Variants in MX2 observed in about 807,000 individuals in gnomAD.
MX2 encodes interferon-induced GTP-binding protein Mx2.
A neutral mutation model predicts 74.0 loss-of-function variants in MX2; 51 were observed. That is an observed-to-expected ratio of 0.69 (90% CI 0.55 to 0.87). The LOEUF is 0.87. Ranked by LOEUF, MX2 falls within the 40% of genes least tolerant of loss-of-function variation. The pLI, the probability that MX2 is intolerant of heterozygous loss-of-function variation, is 0.00. For missense variants in MX2, 832 were observed against 908.7 expected (o/e 0.92, Z 1.09); for synonymous variants, 369 against 339.3 (o/e 1.09, Z -0.96).
In MX2 at chr21:41,395,594, G is replaced by T; in HGVS notation, c.879G>T (p.Leu293=). 1.9e-6 allele frequency: 3 copies of T among 1,614,024 alleles called. No homozygotes were observed. Among genetic ancestry groups the T allele is most frequent in the Non-Finnish European group, 2.5e-6 (3 of 1,179,998 alleles). Residue 293 remains leucine, a synonymous_variant, in exon 7 of 14, where the codon CTG becomes CTT. Coordinates refer to ENST00000330714, the MANE Select transcript of MX2 (RefSeq NM_002463.2). ...TCTTTAACCATCTCACAGGTATCCT[G>T]ACCAAACCAGATCTAATGGACAGGG... ...DPEGDRTIGI[L]TKPDLMDRGT...
intron 7 of MX2, 33 bp downstream of exon 7, chr21:41,395,818 C>T (rs1303249729): frequency 6.2e-7 from 1 of 1,608,196 alleles, no homozygotes; most frequent in Non-Finnish European, 8.5e-7. Flanking sequence ...TGGAATTAGA[C>T]TCCATGAAAG....
rs114282920 is a variant in MX2, at chr21:41,395,352, T to C, written c.872-235T>C. ...GCACCCAGTAGGCATCCACGAAATA[T>C]TTGTTAAGTCAACTATCCAGGACAC... On this transcript the variant is annotated intron_variant, in intron 6 of 13. Transcript: ENST00000330714. 5.2e-3 allele frequency among the ~76,000 whole-genome samples: 799 copies of C among 152,272 alleles called. 9 individuals carry two copies. The highest frequency in any genetic ancestry group is 0.018 in the African/African-American group (754 of 41,526).
chr21:41,368,905 C>T lies in MX2; in HGVS notation c.-72+6850C>T, dbSNP rs1407726163. ...GGGTTCAGAGTCCCAGGCTCCCTCC[C>T]AGACAGATGGGTGGAGTGAGGCCAC... On this transcript the variant is annotated intron_variant, in intron 1 of 13. Coordinates refer to ENST00000330714, the MANE Select transcript of MX2 (RefSeq NM_002463.2). This position sits in a 1 kb window ranked among gnomAD's most constrained non-coding sequence, Gnocchi z 4.6. Among the ~76,000 whole-genome samples, 1 of 152,162 alleles carries T rather than the reference C, an allele frequency of 6.6e-6. No homozygotes were observed. The highest frequency in any genetic ancestry group is 1.5e-5 in the Non-Finnish European group (1 of 68,018).
rs888861791 is a variant in MX2 at position 41,382,374 on chromosome 21, G to A, written c.578-36G>A. The A allele has an allele frequency of 4.4e-6, 7 of 1,601,446 alleles. No individual in the cohort carries two copies. In the Admixed American group the frequency reaches 5.1e-5, roughly 12 times the overall value. On this transcript the variant is annotated intron_variant, in intron 4 of 13. Coordinates refer to ENST00000330714, the MANE Select transcript of MX2 (RefSeq NM_002463.2). ...CTGCTTCCTCACAGGGATCATTAAT[G>A]AGGGCTCTGGGTTTCTCCCCTCCTG... is the stretch of plus-strand genomic sequence containing the variant.
intron 5 of MX2, among the ~76,000 whole-genome samples, chr21:41,385,780 A>G (rs1165159884): frequency 6.6e-6 from 1 of 152,190 alleles, no homozygotes; most frequent in Non-Finnish European, 1.5e-5. Context: ...TATCTATCTT[A>G]TATGGGCCTG....
intron 10 of MX2, chr21:41,401,189 T>G (rs2089808594): frequency 6.7e-6 from 1 of 148,750 alleles, no homozygotes. Context: ...TGAGATGAGA[T>G]TTGGTTGGGG....
At chr21:41,379,508 C>T (rs1205144957) in intron 3 of MX2, among the ~76,000 whole-genome samples, 1 of 152,188 alleles carries the variant, frequency 6.6e-6, no homozygotes, top group Admixed American at 6.5e-5. Context: ...ACCTTCTTCC[C>T]ACTCCTTGAG....
rs751649008 is a variant in MX2 at position 41,382,595 on chromosome 21, C to T, written c.732+31C>T. On this transcript the variant is annotated intron_variant, in intron 5 of 13. Transcript: ENST00000330714. ...CCCTTCTGGAATTTGGGATTGGGCT[C>T]TGCTGAAGTGGGGGAAGGGTCAGAG... 5 of 1,613,546 alleles carry T rather than the reference C, an allele frequency of 3.1e-6. No individual in the cohort carries two copies. The South Asian group carries it at 5.5e-5, about 18-fold the overall frequency.
Position 41,388,119 on chromosome 21 carries a change from C to G in MX2, c.733-2446C>G, listed in dbSNP as rs2089606925. 1.3e-5 allele frequency among the ~76,000 whole-genome samples: 2 copies of G among 152,186 alleles called. No homozygotes were observed. Among genetic ancestry groups the G allele is most frequent in the African/African-American group, 4.8e-5 (2 of 41,436 alleles). ...CTGGGTTTCTCTGCCTCTGCCCTTC[C>G]CGGCAGCACCCATCCCAAGAATGTT... On this transcript the variant is annotated intron_variant, in intron 5 of 13. Coordinates refer to ENST00000330714, the MANE Select transcript of MX2 (RefSeq NM_002463.2). The surrounding 1 kb of genome is among the most constrained non-coding windows in gnomAD (Gnocchi z 4.0).
At chr21:41,384,258 G>A (rs939605747) in intron 5 of MX2, among the ~76,000 whole-genome samples, 1 of 152,164 alleles carries the variant, frequency 6.6e-6, no homozygotes, top group Non-Finnish European at 1.5e-5. Flanking sequence ...CCCAGTCTCA[G>A]GTAGTGTTCT....
chr21:41,404,718 G>A (rs577809800), intron 12 of MX2: 5 of 152,138 alleles, frequency 3.3e-5, no homozygotes, highest in Admixed American at 2.0e-4. Context: ...CATTCATCTC[G>A]CGCTCAGTAA....
In MX2 at chr21:41,368,073, T is replaced by C. The variant is rs113842941; in HGVS notation, c.-72+6018T>C. ...CCACAGCTCCCATGCTCTGCATTTA[T>C]ACTGGGCTGCGGAAGCTCCCACGTG... On this transcript the variant is annotated intron_variant, in intron 1 of 13. Transcript: ENST00000330714. The surrounding 1 kb of genome is among the most constrained non-coding windows in gnomAD (Gnocchi z 4.6). 1.4e-4 allele frequency among the ~76,000 whole-genome samples: 21 copies of C among 152,320 alleles called. No homozygotes were observed. Among genetic ancestry groups the C allele is most frequent in the African/African-American group, 4.3e-4 (18 of 41,574 alleles).
intron 1 of MX2, chr21:41,367,353 G>A (rs1433442105): frequency 6.6e-6 from 1 of 151,716 alleles, no homozygotes; most frequent in African/African-American, 2.4e-5. Context: ...TTTTCCACGG[G>A]ATCACATTTT....
chr21:41,390,384 A>G (rs771847544), intron 5 of MX2, 181 bp from the exon 6 acceptor site: 1 of 750,456 alleles, frequency 1.3e-6, no homozygotes, highest in Non-Finnish European at 2.2e-6. Flanking sequence ...GGAGGTCATC[A>G]GAGACCAGGG....
At chr21:41,384,578 T>C (rs144102155) in intron 5 of MX2, among the ~76,000 whole-genome samples, 12 of 152,352 alleles carry the variant, frequency 7.9e-5, no homozygotes, top group East Asian at 5.8e-4. Flanking sequence ...CCTATGGGAC[T>C]GGTTAATCCC....
chr21:41,392,667 G>T (rs2089675901), intron 6 of MX2, among the ~76,000 whole-genome samples: 1 of 152,074 alleles, frequency 6.6e-6, no homozygotes, highest in African/African-American at 2.4e-5. Context: ...TTCACTTTAC[G>T]TACACTTTAT....
At chr21:41,378,225 A>AGAGAGGCCACTGG (rs1350724276) in intron 3 of MX2, among the ~76,000 whole-genome samples, 2 of 145,196 alleles carry the variant, frequency 1.4e-5, no homozygotes, top group African/African-American at 2.8e-5. Flanking sequence ...GGTCACTGGG[A>AGAGAGGCCACTGG]GAGACAGACC....
At position 41,382,475 on chromosome 21, in the gene MX2, T is replaced by A. The variant is rs1028412768; in HGVS notation, c.643T>A (p.Ser215Thr). 7.4e-6 allele frequency: 12 copies of A among 1,614,006 alleles called. No individual in the cohort carries two copies. Among genetic ancestry groups the A allele is most frequent in the Non-Finnish European group, 1.0e-5 (12 of 1,180,038 alleles). Residue 215 changes from serine to threonine, a missense_variant, in exon 5 of 14, where the codon TCC (serine) becomes ACC (threonine). Ser to Thr is a moderately conservative substitution (Grantham distance 58). Coordinates refer to ENST00000330714, the MANE Select transcript of MX2 (RefSeq NM_002463.2). ...TGAGCTCATCAGCCTGGAGATCACC[T>A]CCCCTGAGGTTCCAGACCTGACCAT... ...SHELISLEIT[S>T]PEVPDLTIID... is the part of the protein sequence containing the mutation.
intron 12 of MX2, 60 bp downstream of exon 12, chr21:41,403,403 A>G: frequency 1.5e-6 from 2 of 1,372,112 alleles, no homozygotes; most frequent in South Asian, 2.3e-5. Flanking sequence ...ACCTTGAGAG[A>G]AGTTGGATAT....
Sources: gnomAD v4.1 joint callset for allele counts (sites outside exome capture counted in the v4.1 genomes callset) on GRCh38, gnomAD v4.1.1 for gene constraint, Gnocchi (gnomAD v3.1) non-coding constraint, MANE v1.5 for transcripts, NCBI Gene and HGNC (gene_info 2026-07-23, HGNC 2026-07-21) for gene names.